Variants in TRIM66 observed in about 807,000 individuals in gnomAD.
The protein encoded by TRIM66 is tripartite motif containing 66, also known as tripartite motif-containing protein 66.
In TRIM66, 99 loss-of-function variants were observed where a neutral mutation model predicts 148.2. That is an observed-to-expected ratio of 0.67 (90% CI 0.57 to 0.79). The LOEUF (loss-of-function observed/expected upper bound fraction) is 0.79, where lower values mean the gene tolerates loss of function less well. Among genes scored for constraint, TRIM66 ranks in the 30% least tolerant of loss-of-function variants. TRIM66 has a pLI of 0.00. For missense variants in TRIM66, 1,666 were observed against 1,697.9 expected, an observed-to-expected ratio of 0.98 and a Z score of 0.33; for synonymous variants, 616 against 635.9, an observed-to-expected ratio of 0.97 and a Z score of 0.47.
Position 8,671,627 on chromosome 11 carries a change from C to T in TRIM66, c.340+159G>A, listed in dbSNP as rs80027384. 52 of 596,212 alleles carry T rather than the reference C, an allele frequency of 8.7e-5. No individual in the cohort carries two copies. In the East Asian group the frequency reaches 1.4e-3, roughly 17 times the overall value. 36.9% of individuals were successfully genotyped at this position (596,212 alleles called of 1,614,324 possible). A position where few individuals can be genotyped will look rare whatever the true frequency, so the allele number is the denominator to read the frequency against. On this transcript the variant is annotated intron_variant, in intron 6 of 24. Coordinates refer to ENST00000646038, the MANE Select transcript of TRIM66 (RefSeq NM_001388022.1). ...AGATATATTAGGCATCAAGAGGATT[C>T]ACTCTGTCTCACAGATTCCCCCAAA...
At chr11:8,657,122 A>G (rs1313724395) in intron 6 of TRIM66, among the ~76,000 whole-genome samples, 12 of 152,262 alleles carry the variant, frequency 7.9e-5, no homozygotes, top group Admixed American at 7.8e-4. Context: ...GGCCAAGGCA[A>G]CACGGACACC....
intron 18 of TRIM66, 141 bp from the exon 19 acceptor site, chr11:8,621,960 TGGGTGTG>T: frequency 1.1e-6 from 1 of 913,554 alleles, no homozygotes; most frequent in Non-Finnish European, 1.5e-6. Flanking sequence ...GTATTTATCC[TGGGTGTG>T]TCTGTGATGG....
intron 15 of TRIM66, among the ~76,000 whole-genome samples, chr11:8,628,393 G>A (rs560625531): frequency 4.0e-5 from 6 of 151,832 alleles, no homozygotes; most frequent in South Asian, 4.2e-4. Flanking sequence ...CGGGAAGATC[G>A]CTTGAGCCCA....
At chr11:8,622,738 A>G in intron 18 of TRIM66, 78 bp downstream of exon 18, 2 of 1,334,910 alleles carry the variant, frequency 1.5e-6, no homozygotes, top group East Asian at 2.5e-5. Flanking sequence ...TTAATTCATC[A>G]AGGATGCTTC....
chr11:8,649,674 C>T, intron 8 of TRIM66, 66 bp downstream of exon 8: 1 of 1,521,976 alleles, frequency 6.6e-7, no homozygotes, highest in African/African-American at 1.4e-5. Context: ...AGCTATTCTC[C>T]AGGGATCTTA....
Position 8,643,019 on chromosome 11 carries a change from T to G in TRIM66, c.1212A>C (p.Leu404=). 3 of 1,550,480 alleles carry G rather than the reference T, an allele frequency of 1.9e-6. No individual in the cohort carries two copies. The highest frequency in any genetic ancestry group is 1.7e-6 in the Non-Finnish European group (2 of 1,146,372). Reference sequence around the variant, plus strand: ...TGGGTCCAAGCTCACCAAGAGAAGCTAGCTGCTTGGTCCAGAAGTTAGGCT... The same window carrying G: ...TGGGTCCAAGCTCACCAAGAGAAGCGAGCTGCTTGGTCCAGAAGTTAGGCT... The part of the protein sequence containing the change: ...TWEPNFWTKQ[L]ASLGCITTEG... Residue 404 remains leucine, a synonymous_variant, in exon 13 of 25, where the codon CTA becomes CTC. Coordinates refer to ENST00000646038, the MANE Select transcript of TRIM66 (RefSeq NM_001388022.1).
chr11:8,636,646 T>C (rs2035907890), intron 15 of TRIM66, among the ~76,000 whole-genome samples: 2 of 152,158 alleles, frequency 1.3e-5, no homozygotes, highest in South Asian at 4.1e-4. Flanking sequence ...AAAACTCCTG[T>C]GATCTGATAT....
intron 23 of TRIM66, 59 bp downstream of exon 23, chr11:8,619,323 AC>A: frequency 8.9e-7 from 1 of 1,120,808 alleles, no homozygotes. Flanking sequence ...AACCCTACCC[AC>A]CCATGACAGT....
Position 8,621,191 on chromosome 11 carries a change from A to C in TRIM66, c.3386T>G (p.Ile1129Ser). Residue 1129 changes from isoleucine (I) to serine (S), a missense_variant, in exon 20 of 25, where the codon ATT (isoleucine) becomes AGT (serine). Ile to Ser is a moderately radical substitution (Grantham distance 142). Around this residue, in one of 3 missense-constraint regions of TRIM66, gnomAD observed 1,431 missense variants for 1,412.4 expected, o/e 1.01. Coordinates refer to ENST00000646038, the MANE Select transcript of TRIM66 (RefSeq NM_001388022.1). ...CTTCTTGGCTCCTGGGGTTCGAGGA[A>C]TGAGTCTGTGTTCTTCAGGAGATGT... The part of the protein sequence containing the change: ...EGTSPEEHRL[I>S]PRTPGAKKGP... 1 of 1,551,670 alleles carries C rather than the reference A, an allele frequency of 6.4e-7. No individual in the cohort carries two copies. The highest frequency in any genetic ancestry group is 8.7e-7 in the Non-Finnish European group (1 of 1,146,966).
At chr11:8,646,586 T>A (rs1310846779) in intron 10 of TRIM66, 25 bp from the exon 11 acceptor site, 3 of 1,528,946 alleles carry the variant, frequency 2.0e-6, no homozygotes, top group Non-Finnish European at 2.7e-6. Flanking sequence ...GGACAAACCA[T>A]GGTAAGCTTT....
chr11:8,628,328 C>A (rs1045056165), intron 15 of TRIM66, among the ~76,000 whole-genome samples: 1 of 151,646 alleles, frequency 6.6e-6, no homozygotes, highest in Non-Finnish European at 1.5e-5. Flanking sequence ...AGATCCAGAT[C>A]TTGGTTGGGC....
At chr11:8,673,544 G>A (rs1348611688) in intron 4 of TRIM66, among the ~76,000 whole-genome samples, 1 of 152,168 alleles carries the variant, frequency 6.6e-6, no homozygotes, top group Admixed American at 6.5e-5. Context: ...ATGTTTTACA[G>A]TACTTGGAAC....
rs1164089627 is a variant in TRIM66, at chr11:8,648,163, C to G, written c.726-77G>C. ...CATGCCAACCAAGCGGGAATCTCCACAGGGAACTGTCTCAGCCAGACCCAT... is the reference window on the plus strand; with the variant it reads ...CATGCCAACCAAGCGGGAATCTCCAGAGGGAACTGTCTCAGCCAGACCCAT... On this transcript the variant is annotated intron_variant, in intron 9 of 24. Transcript: ENST00000646038. The G allele has an allele frequency of 1.3e-5, 17 of 1,321,754 alleles. No individual in the cohort carries two copies. The East Asian group carries it at 1.5e-4, about 12-fold the overall frequency. The allele number at this position is 1,321,754 out of a possible 1,614,324, so 81.9% of individuals were successfully genotyped here.
At chr11:8,634,088 C>A (rs1012793922) in intron 15 of TRIM66, among the ~76,000 whole-genome samples, 3 of 152,180 alleles carry the variant, frequency 2.0e-5, no homozygotes, top group Admixed American at 6.5e-5. Flanking sequence ...ATGTTATGAG[C>A]AGCAGAAGAA....
intron 6 of TRIM66, among the ~76,000 whole-genome samples, 195 bp downstream of exon 6, chr11:8,671,591 G>A (rs1334173659): frequency 3.3e-5 from 5 of 152,220 alleles, no homozygotes; most frequent in Admixed American, 3.3e-4. Context: ...AAAAGTTCCA[G>A]CTTACAAAAC....
intron 10 of TRIM66, among the ~76,000 whole-genome samples, chr11:8,647,366 T>C (rs930348241): frequency 5.3e-5 from 8 of 152,214 alleles, no homozygotes; most frequent in Non-Finnish European, 1.0e-4. Flanking sequence ...TGGCTAGTTG[T>C]GTGATCTCAG....
At chr11:8,643,304 T>C (rs2133130937) in intron 12 of TRIM66, among the ~76,000 whole-genome samples, 178 bp from the exon 13 acceptor site, 1 of 151,694 alleles carries the variant, frequency 6.6e-6, no homozygotes, top group Admixed American at 6.6e-5. Flanking sequence ...AGCTGATCCC[T>C]TTCCTCTTAT....
chr11:8,636,134 AC>A (rs1289946100), intron 15 of TRIM66, among the ~76,000 whole-genome samples: 4 of 151,918 alleles, frequency 2.6e-5, no homozygotes, highest in African/African-American at 4.8e-5. Flanking sequence ...CCATGGCTTC[AC>A]CCAGATCCAT....
chr11:8,650,579 C>G (rs1396291274), intron 7 of TRIM66, among the ~76,000 whole-genome samples: 1 of 152,086 alleles, frequency 6.6e-6, no homozygotes, highest in Non-Finnish European at 1.5e-5. Context: ...GCTAAGGACA[C>G]CCAGATGCGT....
Sources: gnomAD v4.1 joint callset for allele counts (sites outside exome capture counted in the v4.1 genomes callset) on GRCh38, gnomAD v4.1.1 for gene constraint, gnomAD v4.1.1 regional missense constraint, MANE v1.5 for transcripts, NCBI Gene and HGNC (gene_info 2026-07-23, HGNC 2026-07-21) for gene names.